Variants in DSCAM observed in about 807,000 individuals in gnomAD.
DSCAM encodes the protein DS cell adhesion molecule.
Under a neutral mutation model 217.7 loss-of-function variants are expected in DSCAM, and 47 were observed. The ratio of observed to expected loss-of-function variants is 0.22; its 90% confidence interval spans 0.17 to 0.28. The LOEUF (loss-of-function observed/expected upper bound fraction) is 0.28, where lower values mean the gene tolerates loss of function less well. DSCAM is among the 10% of genes least tolerant of loss of function. DSCAM has a pLI of 1.00. For synonymous variants in DSCAM, 1,056 were observed against 1,015.3 expected, an observed-to-expected ratio of 1.04 and a Z score of -0.76; for missense variants, 2,080 against 2,618.3, an observed-to-expected ratio of 0.79 and a Z score of 4.49.
At chr21:40,576,069 A>G (rs757813694) in intron 3 of DSCAM, among the ~76,000 whole-genome samples, 2 of 142,246 alleles carry the variant, frequency 1.4e-5, no homozygotes, top group African/African-American at 5.1e-5. Flanking sequence ...TAGAAGTTTT[A>G]TAAAGTTAAA....
At chr21:40,782,833 A>C (rs779593577) in intron 1 of DSCAM, among the ~76,000 whole-genome samples, 5 of 152,196 alleles carry the variant, frequency 3.3e-5, no homozygotes, top group Admixed American at 6.5e-5. Context: ...CATATTAAGA[A>C]TTGCTTCTCC....
chr21:40,618,795 C>A (rs1037778064), intron 3 of DSCAM: 1 of 152,150 alleles, frequency 6.6e-6, no homozygotes, highest in Non-Finnish European at 1.5e-5. Context: ...TGCATCGCCG[C>A]CCCCCAGTCC....
chr21:40,463,913 TC>T lies in DSCAM; in HGVS notation c.509-94669del, dbSNP rs144125426. On this transcript the variant is annotated intron_variant, in intron 3 of 32. Coordinates refer to ENST00000400454, the MANE Select transcript of DSCAM (RefSeq NM_001389.5). ...TGAGCACCTCCTTTTCTGAAATTCC[TC>T]TCTTTTCTTGGCTTCTAGGACAATC... Among the ~76,000 whole-genome samples the T allele has an allele frequency of 7.3e-3, 1,114 of 152,274 alleles. 11 individuals are homozygous for T. The highest frequency in any genetic ancestry group is 0.026 in the African/African-American group (1,062 of 41,562).
chr21:40,739,962 T>A (rs1319979248), intron 1 of DSCAM, among the ~76,000 whole-genome samples: 2 of 122,906 alleles, frequency 1.6e-5, no homozygotes, highest in African/African-American at 6.3e-5. Flanking sequence ...TAATTTTTTT[T>A]TTTTTTTTTT....
chr21:40,578,018 A>G (rs886859338), intron 3 of DSCAM, among the ~76,000 whole-genome samples: 1 of 152,190 alleles, frequency 6.6e-6, no homozygotes, highest in African/African-American at 2.4e-5. Context: ...GGGAGAATCA[A>G]TTCAGGTGGA....
At chr21:40,689,761 C>A (rs1304127827) in intron 3 of DSCAM, among the ~76,000 whole-genome samples, 1 of 152,228 alleles carries the variant, frequency 6.6e-6, no homozygotes, top group African/African-American at 2.4e-5. Context: ...TAAATCCAAA[C>A]TAGCTCGCAG....
chr21:40,354,098 G>T (rs1423454938), intron 4 of DSCAM, among the ~76,000 whole-genome samples: 1 of 152,106 alleles, frequency 6.6e-6, no homozygotes, highest in Non-Finnish European at 1.5e-5. Context: ...TCCTTAATGG[G>T]TACAAATATG....
chr21:40,319,789 C>T (rs766547300), intron 8 of DSCAM, among the ~76,000 whole-genome samples: 1 of 152,010 alleles, frequency 6.6e-6, no homozygotes, highest in Non-Finnish European at 1.5e-5. Context: ...ATCATGCAGG[C>T]CAAATTTCAC....
At chr21:40,687,645 T>G (rs1034920402) in intron 3 of DSCAM, among the ~76,000 whole-genome samples, 2 of 152,224 alleles carry the variant, frequency 1.3e-5, no homozygotes, top group African/African-American at 4.8e-5. Flanking sequence ...CTAATTTGGT[T>G]GGCTGTACCT....
At chr21:40,231,007 ATGCTTT>A in intron 11 of DSCAM, among the ~76,000 whole-genome samples, 1 of 139,146 alleles carries the variant, frequency 7.2e-6, no homozygotes, top group Non-Finnish European at 1.5e-5. Flanking sequence ...ACTCTCGATT[ATGCTTT>A]TTTTTTTTTT....
intron 5 of DSCAM, among the ~76,000 whole-genome samples, chr21:40,350,597 C>A (rs1405375259): frequency 2.0e-5 from 3 of 151,994 alleles, no homozygotes; most frequent in Non-Finnish European, 4.4e-5. Flanking sequence ...TAATAACCAA[C>A]CAGAGTGATG....
chr21:40,351,094 C>A (rs1449146108), intron 5 of DSCAM, among the ~76,000 whole-genome samples: 1 of 151,716 alleles, frequency 6.6e-6, no homozygotes, highest in Non-Finnish European at 1.5e-5. Flanking sequence ...GGTCTTTTGA[C>A]AAATTAGGGT....
chr21:40,260,154 G>C (rs2073430822), intron 11 of DSCAM, among the ~76,000 whole-genome samples: 1 of 152,148 alleles, frequency 6.6e-6, no homozygotes, highest in South Asian at 2.1e-4. Flanking sequence ...GCTCTTTTCT[G>C]CTCAAGCATC....
chr21:40,208,508 T>C (rs763768364), intron 11 of DSCAM, among the ~76,000 whole-genome samples: 2 of 152,228 alleles, frequency 1.3e-5, no homozygotes, highest in East Asian at 3.8e-4. Flanking sequence ...GGGTTTTCGG[T>C]TGAGCATGGA....
chr21:40,138,412 G>A (rs2090239871), intron 18 of DSCAM, among the ~76,000 whole-genome samples: 2 of 150,162 alleles, frequency 1.3e-5, no homozygotes, highest in South Asian at 4.2e-4. Flanking sequence ...AGTGGTGTAT[G>A]TGGGGGGTGC....
At chr21:40,239,207 A>T (rs984413436) in intron 11 of DSCAM, among the ~76,000 whole-genome samples, 2 of 152,198 alleles carry the variant, frequency 1.3e-5, no homozygotes, top group African/African-American at 4.8e-5. Flanking sequence ...TTAAAGATGA[A>T]TCGGGCCCTA....
chr21:40,807,910 C>T (rs567585997), intron 1 of DSCAM, among the ~76,000 whole-genome samples: 1 of 152,272 alleles, frequency 6.6e-6, no homozygotes, highest in East Asian at 1.9e-4. Flanking sequence ...ACTTTTAGCT[C>T]CATGTTCACT....
intron 3 of DSCAM, among the ~76,000 whole-genome samples, chr21:40,397,327 G>A (rs1463309878): frequency 4.0e-5 from 6 of 151,770 alleles, no homozygotes; most frequent in South Asian, 4.2e-4. Flanking sequence ...CCTTGGTGAC[G>A]AGTGTGCTCT....
chr21:40,637,651 C>A lies in DSCAM; in HGVS notation c.508+55159G>T, dbSNP rs867856852. On this transcript the variant is annotated intron_variant, in intron 3 of 32. Transcript: ENST00000400454. ...TATATAAATATATATAAATATATAT[C>A]TATATATATATATATAAATTTTTTT... 1.3e-3 allele frequency among the ~76,000 whole-genome samples: 90 copies of A among 70,938 alleles called. 6 individuals are homozygous for A. Among genetic ancestry groups the A allele is most frequent in the East Asian group, 2.8e-3 (7 of 2,486 alleles). 46.5% of individuals were successfully genotyped at this position (70,938 alleles called of 152,430 possible). A position where few individuals can be genotyped will look rare whatever the true frequency, so the allele number is the denominator to read the frequency against.
Sources: gnomAD v4.1 joint callset for allele counts (sites outside exome capture counted in the v4.1 genomes callset) on GRCh38, gnomAD v4.1.1 for gene constraint, MANE v1.5 for transcripts, NCBI Gene and HGNC (gene_info 2026-07-23, HGNC 2026-07-21) for gene names.